The following CUEDC1 variants were observed in gnomAD, a reference collection of about 807,000 sequenced individuals.
The protein encoded by CUEDC1 is CUE domain containing 1.
A neutral mutation model predicts 43.7 loss-of-function variants in CUEDC1; 30 were observed. The observed-to-expected ratio is 0.69, with a 90% CI of 0.51 to 0.93. CUEDC1 has a LOEUF of 0.93. Among genes scored for constraint, CUEDC1 ranks in the 40% least tolerant of loss-of-function variants. CUEDC1 has a pLI of 0.00. For synonymous variants in CUEDC1, 223 were observed against 223.6 expected (o/e 1.00, Z 0.02); for missense variants, 486 against 549.0 (o/e 0.89, Z 1.15).
intron 1 of CUEDC1, among the ~76,000 whole-genome samples, chr17:57,918,237 A>G (rs1046737048): frequency 1.3e-5 from 2 of 152,238 alleles, no homozygotes; most frequent in Admixed American, 6.5e-5. Context: ...AGAAGTATTC[A>G]GACATGGATG....
chr17:57,895,591 C>G (rs1335655003), intron 1 of CUEDC1, among the ~76,000 whole-genome samples: 1 of 152,192 alleles, frequency 6.6e-6, no homozygotes, highest in Admixed American at 6.5e-5. Flanking sequence ...ACTATTTCCA[C>G]AACAGTCCCT....
chr17:57,953,270 C>T lies in CUEDC1; in HGVS notation c.-316+1955G>A, dbSNP rs117604457. Reference sequence around the variant, plus strand: ...CCTCTAATTCAATAGACCAGTGGGCCTAGTCCAGTGCCCAGGGCCTTCCCA... The same window carrying T: ...CCTCTAATTCAATAGACCAGTGGGCTTAGTCCAGTGCCCAGGGCCTTCCCA... On this transcript the variant is annotated intron_variant, in intron 1 of 10. Coordinates refer to ENST00000577830, the MANE Select transcript of CUEDC1 (RefSeq NM_001271875.2). 7.0e-3 allele frequency among the ~76,000 whole-genome samples: 1,061 copies of T among 152,340 alleles called. 4 individuals carry two copies. Among genetic ancestry groups the T allele is most frequent in the Non-Finnish European group, 0.011 (727 of 68,040 alleles).
At chr17:57,880,476 G>C in intron 2 of CUEDC1, among the ~76,000 whole-genome samples, 1 of 152,160 alleles carries the variant, frequency 6.6e-6, no homozygotes, top group East Asian at 1.9e-4. Flanking sequence ...TCTCAGGGCG[G>C]AGAGTAGCAA....
intron 1 of CUEDC1, chr17:57,915,010 C>T (rs2074623681): frequency 2.6e-5 from 4 of 152,176 alleles, no homozygotes. Flanking sequence ...CTTGTTTTAC[C>T]AACAGGAAAC....
chr17:57,949,063 C>T (rs2074981895), intron 1 of CUEDC1, among the ~76,000 whole-genome samples: 1 of 152,228 alleles, frequency 6.6e-6, no homozygotes, highest in Non-Finnish European at 1.5e-5. Flanking sequence ...CACACCGCTA[C>T]TTAGCTCTAC....
At chr17:57,939,354 T>A (rs2074894089) in intron 1 of CUEDC1, among the ~76,000 whole-genome samples, 1 of 151,736 alleles carries the variant, frequency 6.6e-6, no homozygotes, top group African/African-American at 2.4e-5. Flanking sequence ...AGCCTTGAAC[T>A]CCTGGGCTCA....
intron 1 of CUEDC1, among the ~76,000 whole-genome samples, chr17:57,943,729 T>C (rs181274679): frequency 6.6e-6 from 1 of 152,072 alleles, no homozygotes; most frequent in East Asian, 1.9e-4. Flanking sequence ...CCAAAAAAAA[T>C]CCTTCTCTAT....
At chr17:57,883,146 T>C (rs1460182367) in intron 2 of CUEDC1, among the ~76,000 whole-genome samples, 3 of 151,978 alleles carry the variant, frequency 2.0e-5, no homozygotes, top group Non-Finnish European at 4.4e-5. Context: ...AAAGGAGTGG[T>C]CTCCCAAGGA....
intron 8 of CUEDC1, chr17:57,867,685 C>T (rs2073979914): frequency 3.6e-6 from 2 of 558,706 alleles, no homozygotes; most frequent in Non-Finnish European, 6.4e-6. Context: ...CCTCTGCTAT[C>T]CTAGGCCCTG....
chr17:57,887,259 T>C (rs1371192961), intron 1 of CUEDC1, among the ~76,000 whole-genome samples: 1 of 152,106 alleles, frequency 6.6e-6, no homozygotes, highest in Non-Finnish European at 1.5e-5. Context: ...GGGACCTTAA[T>C]CTGCCACAGA....
At chr17:57,936,987 AT>A (rs1334486623) in intron 1 of CUEDC1, among the ~76,000 whole-genome samples, 2 of 151,640 alleles carry the variant, frequency 1.3e-5, no homozygotes, top group African/African-American at 4.8e-5. Flanking sequence ...CGTCAAGCTA[AT>A]TTTTGTATTT....
chr17:57,879,707 G>C lies in CUEDC1; in HGVS notation c.368C>G (p.Ser123Trp). 6.3e-7 allele frequency: 1 copy of C among 1,599,732 alleles called. No homozygotes were observed. Among genetic ancestry groups the C allele is most frequent in the East Asian group, 2.3e-5 (1 of 43,248 alleles). The change falls in exon 3 of 11, where the codon TCG becomes TGG. Residue 123 changes from serine to tryptophan, a missense_variant. By Grantham distance (177) the Ser-to-Trp change is radical. Transcript: ENST00000577830. Reference sequence around the variant, plus strand: ...GTACACAGGTGGGGGCTCTTCATCCGAGCTATCAGGTTCCAAAGTCCTTTC... The same window carrying C: ...GTACACAGGTGGGGGCTCTTCATCCCAGCTATCAGGTTCCAAAGTCCTTTC... ...ILERTLEPDS[S>W]DEEPPPVYSP...
chr17:57,936,972 C>G (rs747974849), intron 1 of CUEDC1, among the ~76,000 whole-genome samples: 7 of 152,040 alleles, frequency 4.6e-5, no homozygotes, highest in Admixed American at 1.3e-4. Context: ...AGGCATACAC[C>G]ACCACGTCAA....
intron 1 of CUEDC1, among the ~76,000 whole-genome samples, chr17:57,921,032 T>C (rs1267991039): frequency 1.3e-5 from 2 of 152,230 alleles, no homozygotes; most frequent in Non-Finnish European, 2.9e-5. Context: ...TGGGAATTAG[T>C]TGTACTTTAT....
chr17:57,907,027 G>A (rs1331003783), intron 1 of CUEDC1, among the ~76,000 whole-genome samples: 1 of 151,794 alleles, frequency 6.6e-6, no homozygotes. Context: ...GGCAGAAGGG[G>A]GCACTACTCG....
chr17:57,934,667 A>G (rs1048186323), intron 1 of CUEDC1, among the ~76,000 whole-genome samples: 18 of 152,030 alleles, frequency 1.2e-4, no homozygotes, highest in African/African-American at 3.9e-4. Flanking sequence ...TCATTCCTTA[A>G]CAGATACATA....
At chr17:57,920,632 C>CTT (rs58900177) in intron 1 of CUEDC1, among the ~76,000 whole-genome samples, 5 of 115,186 alleles carry the variant, frequency 4.3e-5, no homozygotes, top group Non-Finnish European at 9.3e-5. Flanking sequence ...TTTTTCTTTT[C>CTT]TTTTTTTTTT....
At chr17:57,906,962 ACT>A (rs1403633848) in intron 1 of CUEDC1, among the ~76,000 whole-genome samples, 1 of 138,822 alleles carries the variant, frequency 7.2e-6, no homozygotes, top group Non-Finnish European at 1.5e-5. Flanking sequence ...CAAGAGTGAA[ACT>A]CTGCCTCACA....
chr17:57,875,574 G>A (rs1247935568), intron 3 of CUEDC1, among the ~76,000 whole-genome samples: 3 of 151,792 alleles, frequency 2.0e-5, no homozygotes, highest in Non-Finnish European at 2.9e-5. Context: ...GAGCTGAGAC[G>A]CAAATAAAAA....
Sources: allele counts gnomAD v4.1 joint callset (sites outside exome capture counted in the v4.1 genomes callset), GRCh38; gene constraint gnomAD v4.1.1; transcripts MANE v1.5; gene names NCBI Gene and HGNC (gene_info 2026-07-23, HGNC 2026-07-21).